ADAM32: variants seen among roughly 807,000 people sequenced by gnomAD.
ADAM32 encodes the protein disintegrin and metalloproteinase domain-containing protein 32.
A neutral mutation model predicts 114.9 loss-of-function variants in ADAM32; 89 were observed. That is an observed-to-expected ratio of 0.77 (90% CI 0.65 to 0.92). The LOEUF (loss-of-function observed/expected upper bound fraction) is 0.92. ADAM32 is among the 40% of genes least tolerant of loss of function. ADAM32 has a pLI of 0.00. For synonymous variants in ADAM32, 285 were observed against 307.5 expected (o/e 0.93, Z 0.77); for missense variants, 870 against 932.8 (o/e 0.93, Z 0.88).
At chr8:39,219,633 A>T (rs1222669890) in intron 12 of ADAM32, among the ~76,000 whole-genome samples, 1 of 152,178 alleles carries the variant, frequency 6.6e-6, no homozygotes, top group Non-Finnish European at 1.5e-5. Flanking sequence ...CTGGGGGATA[A>T]GGGATGGTTG....
chr8:39,153,025 G>A (rs1051995033), intron 6 of ADAM32, among the ~76,000 whole-genome samples: 21 of 152,140 alleles, frequency 1.4e-4, no homozygotes, highest in Non-Finnish European at 2.4e-4. Context: ...GAGAAACAAG[G>A]TAAAATGAGC....
At chr8:39,180,958 C>G (rs1389351496) in intron 10 of ADAM32, among the ~76,000 whole-genome samples, 1 of 152,196 alleles carries the variant, frequency 6.6e-6, no homozygotes, top group Non-Finnish European at 1.5e-5. Context: ...TACTCTGTGT[C>G]TAACTAATCT....
chr8:39,144,716 GT>G (rs1803396506), intron 3 of ADAM32, among the ~76,000 whole-genome samples: 1 of 152,178 alleles, frequency 6.6e-6, no homozygotes, highest in African/African-American at 2.4e-5. Flanking sequence ...GTGGTAAAAA[GT>G]TGAAAGTTTT....
intron 13 of ADAM32, among the ~76,000 whole-genome samples, chr8:39,222,573 T>A (rs1809047466): frequency 6.6e-6 from 1 of 152,132 alleles, no homozygotes; most frequent in South Asian, 2.1e-4. Flanking sequence ...AAGACTCTCA[T>A]AGTTGAACTG....
At chr8:39,228,381 C>T (rs1195599673) in intron 14 of ADAM32, among the ~76,000 whole-genome samples, 4 of 152,040 alleles carry the variant, frequency 2.6e-5, no homozygotes, top group Non-Finnish European at 5.9e-5. Flanking sequence ...TTAAGCTAAT[C>T]AGGGAGGCAA....
chr8:39,125,307 G>C (rs887720030), intron 2 of ADAM32, among the ~76,000 whole-genome samples: 1 of 151,932 alleles, frequency 6.6e-6, no homozygotes, highest in East Asian at 1.9e-4. Flanking sequence ...GACTTTGTTG[G>C]GATTGTCACT....
rs141345387 is a variant in ADAM32, at chr8:39,227,007, A to G, written c.1525+3769A>G. On this transcript the variant is annotated intron_variant, in intron 14 of 24. Coordinates refer to ENST00000379907, the MANE Select transcript of ADAM32 (RefSeq NM_145004.7). ...AAATTGAGATGGATCATCATGGCGG[A>G]TGGGAGGCAGGACTAGATTACAGCT... 6.2e-3 allele frequency among the ~76,000 whole-genome samples: 937 copies of G among 152,326 alleles called. 7 individuals carry two copies. Among genetic ancestry groups the G allele is most frequent in the African/African-American group, 0.021 (888 of 41,554 alleles).
At chr8:39,161,294 A>G (rs1804496096) in intron 7 of ADAM32, among the ~76,000 whole-genome samples, 1 of 152,208 alleles carries the variant, frequency 6.6e-6, no homozygotes, top group Non-Finnish European at 1.5e-5. Context: ...GGGAAGTTTG[A>G]AGAGCAGAAT....
At chr8:39,137,169 GAATTATT>G (rs1802855118) in intron 3 of ADAM32, among the ~76,000 whole-genome samples, 1 of 152,180 alleles carries the variant, frequency 6.6e-6, no homozygotes, top group Non-Finnish European at 1.5e-5. Flanking sequence ...ACTCTTCAGA[GAATTATT>G]AAATAATTGA....
chr8:39,226,499 G>A (rs910016928), intron 14 of ADAM32, among the ~76,000 whole-genome samples: 7 of 151,550 alleles, frequency 4.6e-5, no homozygotes, highest in Middle Eastern at 3.2e-3. Context: ...TAATAAAACC[G>A]TCAATAAATA....
chr8:39,199,278 CTAT>C (rs1325465856), intron 11 of ADAM32, among the ~76,000 whole-genome samples: 1 of 152,170 alleles, frequency 6.6e-6, no homozygotes, highest in Non-Finnish European at 1.5e-5. Context: ...AGAGTTTCAG[CTAT>C]TATTCCTTAC....
At chr8:39,189,046 C>T (rs1399768795) in intron 11 of ADAM32, among the ~76,000 whole-genome samples, 1 of 152,112 alleles carries the variant, frequency 6.6e-6, no homozygotes, top group African/African-American at 2.4e-5. Flanking sequence ...CACACTTTAG[C>T]AGGTGCCAGT....
intron 16 of ADAM32, among the ~76,000 whole-genome samples, chr8:39,241,154 T>A (rs926587046): frequency 5.9e-5 from 9 of 152,194 alleles, no homozygotes; most frequent in African/African-American, 2.2e-4. Flanking sequence ...CTCCTTTGAC[T>A]CCATGTCTCA....
At chr8:39,223,892 G>A (rs1055470134) in intron 14 of ADAM32, 2 of 151,986 alleles carry the variant, frequency 1.3e-5, no homozygotes, top group Admixed American at 6.6e-5. Context: ...GAGATCATGC[G>A]TTATTTACCT....
intron 2 of ADAM32, among the ~76,000 whole-genome samples, chr8:39,130,585 C>T (rs1398190771): frequency 1.3e-5 from 2 of 152,038 alleles, no homozygotes; most frequent in African/African-American, 4.8e-5. Context: ...ATAAATTATG[C>T]TATGGTGTGT....
intron 22 of ADAM32, among the ~76,000 whole-genome samples, chr8:39,277,137 C>T (rs961673268): frequency 3.3e-5 from 5 of 152,156 alleles, no homozygotes; most frequent in African/African-American, 4.8e-5. Context: ...ATTTCTTCTT[C>T]GCTCAATATA....
intron 11 of ADAM32, among the ~76,000 whole-genome samples, chr8:39,209,481 C>A (rs573481907): frequency 3.3e-5 from 5 of 152,104 alleles, no homozygotes; most frequent in Non-Finnish European, 7.4e-5. Flanking sequence ...GTTACTGGTG[C>A]CTTATTTATT....
At chr8:39,160,015 C>T (rs963618664) in intron 6 of ADAM32, among the ~76,000 whole-genome samples, 1 of 151,942 alleles carries the variant, frequency 6.6e-6, no homozygotes, top group African/African-American at 2.4e-5. Flanking sequence ...GGGGCAATTG[C>T]GTGAATAGGC....
chr8:39,239,347 GTCT>G (rs1810402308), intron 16 of ADAM32, among the ~76,000 whole-genome samples: 2 of 152,114 alleles, frequency 1.3e-5, no homozygotes. Flanking sequence ...GAAAGATAAA[GTCT>G]TTTTCAGACT....
Sources: gnomAD v4.1 joint callset for allele counts (sites outside exome capture counted in the v4.1 genomes callset) on GRCh38, gnomAD v4.1.1 for gene constraint, MANE v1.5 for transcripts, NCBI Gene and HGNC (gene_info 2026-07-23, HGNC 2026-07-21) for gene names.